Variants in TNR observed in about 807,000 individuals in gnomAD.
TNR encodes tenascin R.
TNR carries 45 observed loss-of-function variants against 150.4 expected under a neutral mutation model. The ratio of observed to expected loss-of-function variants is 0.30; its 90% CI spans 0.24 to 0.38. TNR has a LOEUF of 0.38. Among genes scored for constraint, TNR ranks in the 10% least tolerant of loss-of-function variants. TNR has a pLI of 1.00. For synonymous variants in TNR, 687 were observed against 678.4 expected, an observed-to-expected ratio of 1.01 and a Z score of -0.20; for missense variants, 1,544 against 1,759.1, an observed-to-expected ratio of 0.88 and a Z score of 2.19.
At chr1:175,711,461 G>A (rs540044829) in intron 1 of TNR, among the ~76,000 whole-genome samples, 4 of 152,184 alleles carry the variant, frequency 2.6e-5, no homozygotes, top group Admixed American at 1.3e-4. Context: ...GATAAGAGGC[G>A]TAATAGCAGG....
intron 1 of TNR, among the ~76,000 whole-genome samples, chr1:175,740,326 C>A (rs557136244): frequency 3.3e-5 from 5 of 152,198 alleles, no homozygotes; most frequent in South Asian, 4.2e-4. Context: ...GCACAGGGAA[C>A]TTTTATACAT....
chr1:175,659,525 C>T (rs998280533), intron 1 of TNR, among the ~76,000 whole-genome samples: 1 of 152,122 alleles, frequency 6.6e-6, no homozygotes, highest in Admixed American at 6.6e-5. Flanking sequence ...CAAACACCTC[C>T]CTTCTTCACC....
At chr1:175,535,461 TG>T (rs1336140320) in intron 1 of TNR, among the ~76,000 whole-genome samples, 1 of 151,986 alleles carries the variant, frequency 6.6e-6, no homozygotes, top group Non-Finnish European at 1.5e-5. Flanking sequence ...TTGTTGTTGT[TG>T]TTGTTGTTGT....
intron 1 of TNR, among the ~76,000 whole-genome samples, chr1:175,622,500 C>A (rs180870936): frequency 2.1e-4 from 32 of 152,320 alleles, no homozygotes; most frequent in African/African-American, 7.7e-4. Context: ...TTTGTATATA[C>A]TGTTTCCTTT....
chr1:175,640,791 G>GTATATATATATATATATACATATATA (rs1664631094), intron 1 of TNR, among the ~76,000 whole-genome samples: 7 of 143,648 alleles, frequency 4.9e-5, no homozygotes, highest in African/African-American at 1.8e-4. Flanking sequence ...GTGTGTGTGG[G>GTATATATATATATATATACATATATA]TATATATATA....
At chr1:175,517,868 T>C (rs1571551434) in intron 2 of TNR, among the ~76,000 whole-genome samples, 1 of 152,268 alleles carries the variant, frequency 6.6e-6, no homozygotes, top group Admixed American at 6.5e-5. Context: ...CTACCCACTG[T>C]GCATGTTTCC....
At chr1:175,359,830 C>T in intron 14 of TNR, 99 bp from the exon 15 acceptor site, 1 of 1,420,476 alleles carries the variant, frequency 7.0e-7, no homozygotes, top group East Asian at 2.5e-5. Flanking sequence ...AAGACTGCTG[C>T]TGCACTCTAC....
intron 2 of TNR, among the ~76,000 whole-genome samples, chr1:175,434,596 T>C (rs1214623534): frequency 6.6e-6 from 1 of 152,206 alleles, no homozygotes; most frequent in African/African-American, 2.4e-5. Flanking sequence ...CCAACATCTA[T>C]ATTCCAAGCT....
At chr1:175,369,102 G>A (rs1651974202) in intron 9 of TNR, among the ~76,000 whole-genome samples, 1 of 152,180 alleles carries the variant, frequency 6.6e-6, no homozygotes, top group Non-Finnish European at 1.5e-5. Context: ...GATTGGAATG[G>A]TATTCTGTAT....
chr1:175,675,684 T>G (rs949059164), intron 1 of TNR, among the ~76,000 whole-genome samples: 1 of 152,140 alleles, frequency 6.6e-6, no homozygotes, highest in African/African-American at 2.4e-5. Flanking sequence ...CGAGAAAAGT[T>G]TATCTCTTCC....
rs1464419575 is a variant in TNR at position 175,657,883 on chromosome 1, A to ATATGTG, written c.-165+85342_-165+85343insCACATA. Among the ~76,000 whole-genome samples, 150 of 101,004 alleles carry ATATGTG rather than the reference A, an allele frequency of 1.5e-3. 5 individuals are homozygous for ATATGTG. The highest frequency in any genetic ancestry group is 8.9e-3 in the East Asian group (37 of 4,180). 66.3% of individuals were successfully genotyped at this position (101,004 alleles called of 152,430 possible). ...TATATATATATATATATATATATAT[A>ATATGTG]TGTAACAAACCTGCACGTTGTGCAC... is the stretch of plus-strand genomic sequence containing the variant. On this transcript the variant is annotated intron_variant, in intron 1 of 22. Transcript: ENST00000367674.
At chr1:175,352,418 T>A (rs1651093969) in intron 18 of TNR, among the ~76,000 whole-genome samples, 1 of 152,230 alleles carries the variant, frequency 6.6e-6, no homozygotes, top group South Asian at 2.1e-4. Flanking sequence ...GTGTCCTTTT[T>A]ATAGAAAAGA....
intron 1 of TNR, among the ~76,000 whole-genome samples, chr1:175,643,479 G>T (rs1664725094): frequency 6.6e-6 from 1 of 152,150 alleles, no homozygotes; most frequent in Admixed American, 6.6e-5. Context: ...CATAGTCAAT[G>T]TGAGAACCAG....
intron 1 of TNR, among the ~76,000 whole-genome samples, chr1:175,664,278 C>A (rs758712109): frequency 6.6e-6 from 1 of 152,248 alleles, no homozygotes; most frequent in Non-Finnish European, 1.5e-5. Context: ...ACCTGGTTAT[C>A]TTCCCCAGCT....
At chr1:175,350,009 T>C (rs964330667) in intron 18 of TNR, among the ~76,000 whole-genome samples, 6 of 152,366 alleles carry the variant, frequency 3.9e-5, no homozygotes, top group Non-Finnish European at 8.8e-5. Flanking sequence ...TGGATAGTGA[T>C]CATGAGGCTT....
At chr1:175,383,697 G>C (rs1219078877) in intron 8 of TNR, among the ~76,000 whole-genome samples, 1 of 152,196 alleles carries the variant, frequency 6.6e-6, no homozygotes, top group African/African-American at 2.4e-5. Flanking sequence ...AAAGCACTTT[G>C]GTTAATTTGA....
At chr1:175,537,847 G>A (rs1660355318) in intron 1 of TNR, among the ~76,000 whole-genome samples, 1 of 152,224 alleles carries the variant, frequency 6.6e-6, no homozygotes, top group Non-Finnish European at 1.5e-5. Flanking sequence ...GCCTGCTTCT[G>A]GGACTGTGAA....
intron 20 of TNR, among the ~76,000 whole-genome samples, chr1:175,331,044 T>TCTTTCTTTCTTTCTTTCTTTCTTG (rs1649769746): frequency 1.3e-5 from 1 of 77,286 alleles, no homozygotes; most frequent in African/African-American, 4.3e-5. Flanking sequence ...TTTCTTTCTT[T>TCTTTCTTTCTTTCTTTCTTTCTTG]CTTTCTTTCT....
At chr1:175,677,845 G>A (rs563027319) in intron 1 of TNR, among the ~76,000 whole-genome samples, 13 of 152,092 alleles carry the variant, frequency 8.5e-5, no homozygotes, top group Admixed American at 2.6e-4. Context: ...GTTTGAAAAC[G>A]GCAAAGGGCT....
Sources: gnomAD v4.1 joint callset for allele counts (sites outside exome capture counted in the v4.1 genomes callset) on GRCh38, gnomAD v4.1.1 for gene constraint, MANE v1.5 for transcripts, NCBI Gene and HGNC (gene_info 2026-07-23, HGNC 2026-07-21) for gene names.